Variants in NXPH1 observed in about 807,000 individuals in gnomAD.
NXPH1 encodes neurexophilin-1.
A neutral mutation model predicts 23.7 loss-of-function variants in NXPH1; 5 were observed. The observed-to-expected ratio is 0.21, with a 90% CI of 0.11 to 0.44. The LOEUF is 0.44. Ranked by LOEUF, NXPH1 falls within the 20% of genes least tolerant of loss-of-function variation. NXPH1 has a pLI of 0.99. For synonymous variants in NXPH1, 144 were observed against 122.2 expected (o/e 1.18, Z -1.18); for missense variants, 324 against 321.6 (o/e 1.01, Z -0.06).
chr7:8,561,351 G>GACACACACACAC (rs61219039), intron 2 of NXPH1, among the ~76,000 whole-genome samples: 17,097 of 140,746 alleles, frequency 0.12, 1,092 homozygotes, highest in Middle Eastern at 0.15. Flanking sequence ...AAGCCTATGT[G>GACACACACACAC]ACACACACAC....
intron 2 of NXPH1, among the ~76,000 whole-genome samples, chr7:8,560,388 C>T (rs926334900): frequency 1.3e-5 from 2 of 151,690 alleles, no homozygotes; most frequent in Non-Finnish European, 3.0e-5. Context: ...AGAAAAAAGG[C>T]AGTGTGATCT....
At chr7:8,631,794 T>C (rs1451494379) in intron 2 of NXPH1, among the ~76,000 whole-genome samples, 8 of 152,220 alleles carry the variant, frequency 5.3e-5, no homozygotes, top group Non-Finnish European at 1.0e-4. Context: ...TTCTATTCTT[T>C]AATTTCTAAC....
intron 2 of NXPH1, among the ~76,000 whole-genome samples, chr7:8,675,789 G>A (rs1446619948): frequency 6.6e-6 from 1 of 152,134 alleles, no homozygotes; most frequent in Non-Finnish European, 1.5e-5. Flanking sequence ...AGATATGGAG[G>A]CCTTGCATGG....
intron 2 of NXPH1, among the ~76,000 whole-genome samples, chr7:8,656,892 A>T (rs1207957092): frequency 6.6e-6 from 1 of 152,190 alleles, no homozygotes; most frequent in South Asian, 2.1e-4. Flanking sequence ...TGTCTTACTC[A>T]CTTTCTCATG....
At chr7:8,635,308 G>T (rs1820201579) in intron 2 of NXPH1, among the ~76,000 whole-genome samples, 1 of 152,166 alleles carries the variant, frequency 6.6e-6, no homozygotes, top group South Asian at 2.1e-4. Flanking sequence ...GTTGCCTTTT[G>T]CCCTAAAATC....
intron 2 of NXPH1, among the ~76,000 whole-genome samples, chr7:8,703,801 G>A (rs543515293): frequency 1.3e-5 from 2 of 152,038 alleles, no homozygotes; most frequent in African/African-American, 4.8e-5. Flanking sequence ...TTATTATTGC[G>A]GGCCAACCCA....
chr7:8,486,154 T>A (rs1359335097), intron 2 of NXPH1, among the ~76,000 whole-genome samples: 1 of 152,188 alleles, frequency 6.6e-6, no homozygotes, highest in African/African-American at 2.4e-5. Context: ...AGATTGTAAT[T>A]TTTATCTGCT....
chr7:8,702,491 C>T (rs1779639932), intron 2 of NXPH1, among the ~76,000 whole-genome samples: 1 of 152,064 alleles, frequency 6.6e-6, no homozygotes, highest in Admixed American at 6.6e-5. Flanking sequence ...CCATGGGAGG[C>T]TAGTCATGGG....
At chr7:8,681,732 G>C (rs983817391) in intron 2 of NXPH1, among the ~76,000 whole-genome samples, 1 of 152,164 alleles carries the variant, frequency 6.6e-6, no homozygotes, top group African/African-American at 2.4e-5. Flanking sequence ...ATGTTTATTA[G>C]TACAGTGTGG....
At chr7:8,648,767 C>G (rs981759051) in intron 2 of NXPH1, among the ~76,000 whole-genome samples, 1 of 152,082 alleles carries the variant, frequency 6.6e-6, no homozygotes, top group African/African-American at 2.4e-5. Context: ...GAAACAAATT[C>G]ATTTTTATTT....
intron 2 of NXPH1, among the ~76,000 whole-genome samples, chr7:8,472,660 C>G (rs1378241416): frequency 6.6e-6 from 1 of 152,114 alleles, no homozygotes; most frequent in Non-Finnish European, 1.5e-5. Context: ...TCCCTAATGG[C>G]AGAGAGGAGA....
chr7:8,537,602 G>A (rs1415800548), intron 2 of NXPH1, among the ~76,000 whole-genome samples: 2 of 152,040 alleles, frequency 1.3e-5, no homozygotes, highest in African/African-American at 4.8e-5. Context: ...GACACATGGG[G>A]ATTATGGGAA....
In NXPH1 at chr7:8,455,111, A is replaced by G. The variant is rs151042344; in HGVS notation, c.54+19344A>G. Among the ~76,000 whole-genome samples the G allele has an allele frequency of 8.5e-5, 13 of 152,286 alleles. No individual in the cohort carries two copies. The East Asian group carries it at 1.2e-3, about 14-fold the overall frequency. ...TTAGATTATCAGAGGTAACCTTGCA[A>G]TCGTATGCCACGCCATTATTTTTTG... On this transcript the variant is annotated intron_variant, in intron 2 of 2. Transcript: ENST00000405863.
chr7:8,656,339 A>AC (rs1274707658), intron 2 of NXPH1, among the ~76,000 whole-genome samples: 1 of 152,044 alleles, frequency 6.6e-6, no homozygotes, highest in Non-Finnish European at 1.5e-5. Context: ...TTAAAATTAA[A>AC]CCCTTAATAT....
At chr7:8,497,396 C>G (rs1584193975) in intron 2 of NXPH1, among the ~76,000 whole-genome samples, 1 of 152,272 alleles carries the variant, frequency 6.6e-6, no homozygotes, top group Non-Finnish European at 1.5e-5. Flanking sequence ...ATGGCTGGGT[C>G]AAATGGTATT....
intron 2 of NXPH1, among the ~76,000 whole-genome samples, chr7:8,514,698 ATC>A (rs760227481): frequency 1.3e-5 from 2 of 152,086 alleles, no homozygotes; most frequent in Non-Finnish European, 2.9e-5. Flanking sequence ...AGTTCTGTAC[ATC>A]TCTCTGATCC....
At chr7:8,612,544 T>C (rs1043313068) in intron 2 of NXPH1, among the ~76,000 whole-genome samples, 4 of 152,046 alleles carry the variant, frequency 2.6e-5, no homozygotes. Flanking sequence ...TTAATAAGCA[T>C]TCATATGTGC....
intron 2 of NXPH1, among the ~76,000 whole-genome samples, chr7:8,490,408 CTGT>C (rs1380606617): frequency 6.9e-6 from 1 of 145,200 alleles, no homozygotes; most frequent in African/African-American, 2.8e-5. Flanking sequence ...CATACACAGG[CTGT>C]TTTTTTTTTT....
chr7:8,507,304 G>T (rs1328129886), intron 2 of NXPH1, among the ~76,000 whole-genome samples: 4 of 151,716 alleles, frequency 2.6e-5, no homozygotes. Flanking sequence ...ATTTGAAGGT[G>T]AAGGGGTAGA....
Sources: allele counts gnomAD v4.1 joint callset (sites outside exome capture counted in the v4.1 genomes callset), GRCh38; gene constraint gnomAD v4.1.1; transcripts MANE v1.5; gene names NCBI Gene and HGNC (gene_info 2026-07-23, HGNC 2026-07-21).